The following CAST variants were observed in gnomAD, a reference collection of about 807,000 sequenced individuals.
CAST encodes MIR583 host.
CAST carries 76 observed loss-of-function variants against 119.6 expected under a neutral mutation model. The ratio of observed to expected loss-of-function variants is 0.64; its 90% confidence interval spans 0.53 to 0.77. CAST has a LOEUF of 0.77. Ranked by LOEUF, CAST falls within the 30% of genes least tolerant of loss-of-function variation. The pLI is 0.00. For missense variants in CAST, 953 were observed against 946.5 expected, an observed-to-expected ratio of 1.01 and a Z score of -0.09; for synonymous variants, 319 against 331.6, an observed-to-expected ratio of 0.96 and a Z score of 0.41.
At chr5:96,740,158 T>C in intron 12 of CAST, 40 bp downstream of exon 12, 1 of 887,010 alleles carries the variant, frequency 1.1e-6, no homozygotes, top group South Asian at 1.5e-5. Context: ...CACTGTTTCC[T>C]CTTTAGAAAA....
At chr5:96,058,297 A>T in the CAST span, among the ~76,000 whole-genome samples, 2 of 152,168 alleles carry the variant, frequency 1.3e-5, no homozygotes, top group African/African-American at 2.4e-5. Flanking sequence ...GCAGGGGAAT[A>T]AAGGCTCAAT....
the CAST span, among the ~76,000 whole-genome samples, chr5:96,013,522 C>G: frequency 6.6e-6 from 1 of 151,950 alleles, no homozygotes; most frequent in African/African-American, 2.4e-5. Context: ...CTATCTTTCG[C>G]CATGATGTGA....
the CAST span, among the ~76,000 whole-genome samples, chr5:96,133,377 G>T: frequency 6.6e-6 from 1 of 152,042 alleles, no homozygotes; most frequent in Non-Finnish European, 1.5e-5. Flanking sequence ...GAAAAAGGAT[G>T]TGGGGACAAG....
At chr5:96,394,353 G>A in the CAST span, among the ~76,000 whole-genome samples, 1 of 152,210 alleles carries the variant, frequency 6.6e-6, no homozygotes, top group Admixed American at 6.5e-5. Flanking sequence ...GAGAAAAAGT[G>A]TGATCTATCG....
At chr5:95,982,905 A>G in the CAST span, among the ~76,000 whole-genome samples, 1 of 152,230 alleles carries the variant, frequency 6.6e-6, no homozygotes, top group African/African-American at 2.4e-5. Flanking sequence ...AACATTATTT[A>G]TAATGATCAA....
At chr5:96,393,087 C>G in the CAST span, 1 of 1,614,106 alleles carries the variant, frequency 6.2e-7, no homozygotes, top group Non-Finnish European at 8.5e-7. Flanking sequence ...TAAAAAACAT[C>G]AACATAGTCA....
chr5:96,462,032 G>A, the CAST span, among the ~76,000 whole-genome samples: 4 of 152,048 alleles, frequency 2.6e-5, no homozygotes, highest in African/African-American at 7.2e-5. Context: ...CTTGAAAAGA[G>A]CCCTGGCCTA....
chr5:96,261,566 G>A, the CAST span, among the ~76,000 whole-genome samples: 8 of 152,152 alleles, frequency 5.3e-5, no homozygotes, highest in Admixed American at 2.0e-4. Flanking sequence ...GTTACACAAG[G>A]AACAATTGGA....
chr5:96,214,532 A>G, the CAST span, among the ~76,000 whole-genome samples: 2 of 152,342 alleles, frequency 1.3e-5, no homozygotes, highest in African/African-American at 4.8e-5. Flanking sequence ...GAATTGCAAA[A>G]TAAAGACTGG....
intron 1 of CAST, among the ~76,000 whole-genome samples, chr5:96,593,448 A>G (rs898649528): frequency 6.6e-6 from 1 of 152,116 alleles, no homozygotes; most frequent in African/African-American, 2.4e-5. Flanking sequence ...AGGGCCCCAC[A>G]CTTTATTTAA....
the CAST span, among the ~76,000 whole-genome samples, chr5:96,133,192 C>A: frequency 6.6e-6 from 1 of 152,076 alleles, no homozygotes; most frequent in African/African-American, 2.4e-5. Context: ...TATGCTGTGA[C>A]CAGACAAAAC....
chr5:96,735,952 G>A (rs1220878429), intron 9 of CAST, among the ~76,000 whole-genome samples: 1 of 152,154 alleles, frequency 6.6e-6, no homozygotes, highest in African/African-American at 2.4e-5. Flanking sequence ...GAGGAAAGTG[G>A]CCTAATCTGA....
At chr5:96,027,333 C>T in the CAST span, among the ~76,000 whole-genome samples, 2 of 151,200 alleles carry the variant, frequency 1.3e-5, no homozygotes, top group Non-Finnish European at 2.9e-5. Flanking sequence ...AATAAAATTT[C>T]AAAAATAAAA....
At chr5:95,993,200 A>G in the CAST span, among the ~76,000 whole-genome samples, 2 of 152,236 alleles carry the variant, frequency 1.3e-5, no homozygotes, top group Non-Finnish European at 2.9e-5. Flanking sequence ...AAATGACACT[A>G]GAACAATTGA....
the CAST span, among the ~76,000 whole-genome samples, chr5:96,213,152 T>C: frequency 6.6e-6 from 1 of 152,018 alleles, no homozygotes; most frequent in African/African-American, 2.4e-5. Context: ...TTAAAAAATA[T>C]TGTGTAATGT....
the CAST span, among the ~76,000 whole-genome samples, chr5:96,114,190 C>T: frequency 6.6e-6 from 1 of 152,108 alleles, no homozygotes; most frequent in Non-Finnish European, 1.5e-5. Flanking sequence ...ATTCTGGAGA[C>T]AAACAAGAGC....
the CAST span, among the ~76,000 whole-genome samples, chr5:96,013,923 CTT>C: frequency 6.6e-6 from 1 of 151,958 alleles, no homozygotes; most frequent in South Asian, 2.1e-4. Flanking sequence ...CTATTGTAGA[CTT>C]TACAAACACT....
At chr5:96,489,663 C>T in the CAST span, among the ~76,000 whole-genome samples, 10 of 152,252 alleles carry the variant, frequency 6.6e-5, no homozygotes, top group South Asian at 2.1e-3. Context: ...GCATGACCCC[C>T]TCCCCAAGAC....
the CAST span, among the ~76,000 whole-genome samples, chr5:96,152,989 A>T: frequency 6.6e-6 from 1 of 152,244 alleles, no homozygotes; most frequent in Non-Finnish European, 1.5e-5. Flanking sequence ...TAAAAAATTG[A>T]ATTAGGGTGC....
Sources: gnomAD v4.1 joint callset for allele counts (sites outside exome capture counted in the v4.1 genomes callset) on GRCh38, gnomAD v4.1.1 for gene constraint, MANE v1.5 for transcripts, NCBI Gene and HGNC (gene_info 2026-07-23, HGNC 2026-07-21) for gene names.